The following MICAL3 variants were observed in gnomAD, a reference collection of about 807,000 sequenced individuals.
The protein encoded by MICAL3 is microtubule associated monooxygenase, calponin and LIM domain containing 3.
A neutral mutation model predicts 207.4 loss-of-function variants in MICAL3; 62 were observed. That is an observed-to-expected ratio of 0.30 (90% CI 0.24 to 0.37). The LOEUF (loss-of-function observed/expected upper bound fraction) is 0.37, where lower values mean the gene tolerates loss of function less well. Among genes scored for constraint, MICAL3 ranks in the 10% least tolerant of loss-of-function variants. The pLI is 1.00. For missense variants in MICAL3, 2,368 were observed against 2,635.6 expected (o/e 0.90, Z 2.22); for synonymous variants, 1,077 against 1,069.3 (o/e 1.01, Z -0.14).
intron 7 of MICAL3, among the ~76,000 whole-genome samples, chr22:17,898,722 C>G (rs1931080365): frequency 6.6e-6 from 1 of 152,198 alleles, no homozygotes; most frequent in South Asian, 2.1e-4. Flanking sequence ...TTAAAAAACT[C>G]TCCTTCAGGG....
intron 1 of MICAL3, among the ~76,000 whole-genome samples, chr22:17,934,578 A>C (rs960910562): frequency 1.3e-5 from 2 of 152,222 alleles, no homozygotes; most frequent in African/African-American, 4.8e-5. Context: ...CACCACTCCT[A>C]TTCAACACAG....
chr22:17,865,176 T>C (rs1309127952), intron 18 of MICAL3, among the ~76,000 whole-genome samples, 190 bp from the exon 19 acceptor site: 4 of 151,860 alleles, frequency 2.6e-5, no homozygotes, highest in South Asian at 2.1e-4. Context: ...AGCGGCATCA[T>C]CATAGCTCAC....
intron 1 of MICAL3, among the ~76,000 whole-genome samples, chr22:17,933,427 A>T (rs1933365787): frequency 6.6e-6 from 1 of 152,246 alleles, no homozygotes; most frequent in Admixed American, 6.5e-5. Context: ...AACCAATGAG[A>T]ACAAAGACAC....
chr22:17,880,442 G>T (rs1569112738), intron 16 of MICAL3, among the ~76,000 whole-genome samples: 1 of 152,226 alleles, frequency 6.6e-6, no homozygotes, highest in South Asian at 2.1e-4. Context: ...AACCTGCAAC[G>T]GCTCAGTTCT....
At chr22:17,828,351 T>TA (rs1477244459) in intron 21 of MICAL3, among the ~76,000 whole-genome samples, 1 of 152,234 alleles carries the variant, frequency 6.6e-6, no homozygotes, top group Non-Finnish European at 1.5e-5. Flanking sequence ...AGGACAGAGA[T>TA]AGACTTTGCT....
chr22:17,805,534 C>T (rs1415292537), intron 29 of MICAL3, among the ~76,000 whole-genome samples: 3 of 152,204 alleles, frequency 2.0e-5, no homozygotes. Flanking sequence ...AAAAACAGAA[C>T]AGAAACATCT....
chr22:18,008,186 C>T (rs1923523507), intron 1 of MICAL3, among the ~76,000 whole-genome samples: 1 of 152,002 alleles, frequency 6.6e-6, no homozygotes, highest in Non-Finnish European at 1.5e-5. Context: ...ATTGCAGTAG[C>T]AGAGATCGTG....
At chr22:18,005,775 G>A (rs1434085072) in intron 1 of MICAL3, 1 of 152,212 alleles carries the variant, frequency 6.6e-6, no homozygotes, top group African/African-American at 2.4e-5. Context: ...ACTTCTGTGT[G>A]CAATGCTGCT....
In MICAL3 at chr22:17,902,786, G is replaced by C; in HGVS notation, c.473-39C>G. ...GAGATGACGTTGATGGGAACACATG[G>C]AGAAGGGGGTACCCATCCGTGTCGC... On this transcript the variant is annotated intron_variant, in intron 3 of 31. Coordinates refer to ENST00000441493, the MANE Select transcript of MICAL3 (RefSeq NM_015241.3). This position sits in a 1 kb window ranked among gnomAD's most constrained non-coding sequence, Gnocchi z 4.5. 7.8e-7 allele frequency: 1 copy of C among 1,282,640 alleles called. No homozygotes were observed. The highest frequency in any genetic ancestry group is 2.5e-5 in the East Asian group (1 of 40,294). The allele number at this position is 1,282,640 out of a possible 1,614,324, so 79.5% of individuals were successfully genotyped here. A position where few individuals can be genotyped will look rare whatever the true frequency, so the allele number is the denominator to read the frequency against.
At chr22:17,873,011 C>A (rs1927882504) in intron 16 of MICAL3, among the ~76,000 whole-genome samples, 1 of 152,242 alleles carries the variant, frequency 6.6e-6, no homozygotes, top group South Asian at 2.1e-4. Context: ...TGCTCACAGG[C>A]AGGGAAACCG....
intron 1 of MICAL3, among the ~76,000 whole-genome samples, chr22:18,020,854 C>T (rs1215040880): frequency 1.3e-5 from 2 of 151,530 alleles, no homozygotes; most frequent in African/African-American, 4.8e-5. Context: ...GCGGAGGCTG[C>T]AGTGAGCCAA....
chr22:17,913,378 G>A (rs761722329), intron 1 of MICAL3, among the ~76,000 whole-genome samples: 7 of 152,142 alleles, frequency 4.6e-5, no homozygotes, highest in Admixed American at 1.3e-4. Context: ...TTGAAGGACC[G>A]GTCCTGGGGA....
chr22:17,841,770 A>AGGCTCTTAG lies in MICAL3; in HGVS notation c.2801+43_2801+51dup. 6.6e-7 allele frequency: 1 copy of AGGCTCTTAG among 1,517,582 alleles called. No individual in the cohort carries two copies. Among genetic ancestry groups the AGGCTCTTAG allele is most frequent in the Non-Finnish European group, 8.9e-7 (1 of 1,122,752 alleles). 94.0% of individuals were successfully genotyped at this position (1,517,582 alleles called of 1,614,324 possible). A position where few individuals can be genotyped will look rare whatever the true frequency, so the allele number is the denominator to read the frequency against. On this transcript the variant is annotated intron_variant, in intron 20 of 31. Transcript: ENST00000441493. This position sits in a 1 kb window ranked among gnomAD's most constrained non-coding sequence, Gnocchi z 4.2. ...GAAACCGAGACACACAGAGGTGAGG[A>AGGCTCTTAG]GGCTCTTAGGGCCGTGTGGCGGGTG...
intron 16 of MICAL3, among the ~76,000 whole-genome samples, chr22:17,877,495 G>GGGAGGTTAT (rs1273683713): frequency 8.6e-6 from 1 of 116,388 alleles, no homozygotes; most frequent in South Asian, 2.4e-4. Context: ...ATGGAGGTTA[G>GGGAGGTTAT]GGAGGTTATG....
Position 17,889,102 on chromosome 22 carries a change from T to A in MICAL3, c.1823A>T (p.Asp608Val). ...CAGGTACATCACCATGGACAGCTTATCAGGCTCCCCCACGGAGGCCATTTC... is the reference window on the plus strand; with the variant it reads ...CAGGTACATCACCATGGACAGCTTAACAGGCTCCCCCACGGAGGCCATTTC... The part of the protein sequence containing the change: ...GKEMASVGEP[D>V]KLSMVMYLTQ... Residue 608 changes from aspartate to valine, a missense_variant, in exon 13 of 32, where the codon GAT becomes GTT. By Grantham distance (152) the Asp-to-Val change is radical (BLOSUM62 -3). Around this residue, in one of 4 missense-constraint regions of MICAL3, gnomAD observed 1,770 missense variants for 1,863.2 expected, o/e 0.95. Transcript: ENST00000441493. 1.2e-6 allele frequency: 2 copies of A among 1,613,812 alleles called. No individual in the cohort carries two copies. The highest frequency in any genetic ancestry group is 1.7e-6 in the Non-Finnish European group (2 of 1,179,774).
At position 17,932,883 on chromosome 22, in the gene MICAL3, C is replaced by T. The variant is rs190616959; in HGVS notation, c.-74-25997G>A. ...TCAAAAGAGACAAAGAAGGCCATTA[C>T]ATAATGGTAAAGGGATCAATTCAAC... On this transcript the variant is annotated intron_variant, in intron 1 of 31. Transcript: ENST00000441493. 2.5e-3 allele frequency among the ~76,000 whole-genome samples: 384 copies of T among 152,286 alleles called. 2 individuals are homozygous for T. Among genetic ancestry groups the T allele is most frequent in the African/African-American group, 8.4e-3 (351 of 41,550 alleles).
intron 1 of MICAL3, among the ~76,000 whole-genome samples, chr22:17,911,062 G>GT (rs1435032798): frequency 1.3e-5 from 2 of 152,220 alleles, no homozygotes; most frequent in African/African-American, 4.8e-5. Context: ...CCAGGCATCT[G>GT]TGAGTCTCTG....
intron 16 of MICAL3, chr22:17,879,245 A>G: frequency 4.1e-6 from 4 of 964,100 alleles, no homozygotes; most frequent in Non-Finnish European, 6.0e-6. Flanking sequence ...AAGCAAGGGG[A>G]GGGGGCCGTC....
Position 17,790,757 on chromosome 22 carries a change from T to C in MICAL3, c.5984A>G (p.Lys1995Arg). The C allele has an allele frequency of 6.2e-7, 1 of 1,608,194 alleles. No homozygotes were observed. Among genetic ancestry groups the C allele is most frequent in the Admixed American group, 1.7e-5 (1 of 59,124 alleles). ...TCAGGACCAGTTAAGGCTGAAGCCCTTGGACAGCATGGCAGCCTCCAGGTC... is the reference window on the plus strand; with the variant it reads ...TCAGGACCAGTTAAGGCTGAAGCCCCTGGACAGCATGGCAGCCTCCAGGTC... Reference protein sequence around the residue: ...DKDLEAAMLSKGFSLNWS With the variant: ...DKDLEAAMLSRGFSLNWS Residue 1995 changes from lysine to arginine, a missense_variant, in exon 32 of 32, where the codon AAG (lysine) becomes AGG (arginine). By Grantham distance (26) the Lys-to-Arg change is conservative. This residue lies in a region of MICAL3 where 1,770 missense variants were observed against 1,863.2 expected (regional missense o/e 0.95). Coordinates refer to ENST00000441493, the MANE Select transcript of MICAL3 (RefSeq NM_015241.3).
Sources: gnomAD v4.1 joint callset for allele counts (sites outside exome capture counted in the v4.1 genomes callset) on GRCh38, gnomAD v4.1.1 for gene constraint, gnomAD v4.1.1 regional missense constraint, Gnocchi (gnomAD v3.1) non-coding constraint, MANE v1.5 for transcripts, NCBI Gene and HGNC (gene_info 2026-07-23, HGNC 2026-07-21) for gene names.